The following FGF14 variants were observed in gnomAD, a reference collection of about 807,000 sequenced individuals.
FGF14 encodes fibroblast growth factor homologous factor 4.
FGF14 carries 5 observed loss-of-function variants against 25.5 expected under a neutral mutation model. That is an observed-to-expected ratio of 0.20 (90% CI 0.10 to 0.41). The LOEUF (loss-of-function observed/expected upper bound fraction) is 0.41. Among genes scored for constraint, FGF14 ranks in the 10% least tolerant of loss-of-function variants. The probability of loss-of-function intolerance (pLI) is 1.00; values close to 1 mark genes in which losing one functional copy is unlikely to be tolerated. For missense variants in FGF14, 222 were observed against 320.1 expected (o/e 0.69, Z 2.34); for synonymous variants, 138 against 118.3 (o/e 1.17, Z -1.08).
intron 1 of FGF14, among the ~76,000 whole-genome samples, chr13:102,334,954 C>A (rs2056748756): frequency 6.6e-6 from 1 of 152,100 alleles, no homozygotes; most frequent in African/African-American, 2.4e-5. Flanking sequence ...CCCCAAGTGA[C>A]CAAGCAGACC....
At chr13:102,182,975 C>T (rs920546172) in intron 1 of FGF14, among the ~76,000 whole-genome samples, 1 of 151,984 alleles carries the variant, frequency 6.6e-6, no homozygotes, top group Admixed American at 6.6e-5. Context: ...AGTATGGGGT[C>T]AGAATGAGAT....
rs375646909 is a variant in FGF14, at chr13:102,180,973, A to T, written c.208+220498T>A. Among the ~76,000 whole-genome samples, 14 of 152,244 alleles carry T rather than the reference A, an allele frequency of 9.2e-5. No homozygotes were observed. In the East Asian group the frequency reaches 2.7e-3, roughly 29 times the overall value. ...AAAAATCATGTTTATATTATAGTAA[A>T]TGGTATTTCTGGTAACACTCTAATA... On this transcript the variant is annotated intron_variant, in intron 1 of 4. Coordinates refer to the FGF14 transcript ENST00000376131.
intron 1 of FGF14, among the ~76,000 whole-genome samples, chr13:102,215,942 G>A (rs2050352766): frequency 6.6e-6 from 1 of 152,154 alleles, no homozygotes; most frequent in African/African-American, 2.4e-5. Flanking sequence ...GTGAGAGAAA[G>A]AAAAGTCAGA....
chr13:101,800,671 A>C (rs1014128365), intron 3 of FGF14, among the ~76,000 whole-genome samples: 1 of 152,172 alleles, frequency 6.6e-6, no homozygotes, highest in African/African-American at 2.4e-5. Context: ...TGATTGGCAT[A>C]TTTTGTTGAA....
chr13:102,092,466 T>A (rs766257380), intron 1 of FGF14, among the ~76,000 whole-genome samples: 3 of 152,200 alleles, frequency 2.0e-5, no homozygotes, highest in Non-Finnish European at 4.4e-5. Flanking sequence ...ATTTCCTTTA[T>A]GAATTTAGTT....
intron 1 of FGF14, among the ~76,000 whole-genome samples, chr13:102,185,525 C>A (rs574829678): frequency 6.6e-6 from 1 of 150,504 alleles, no homozygotes; most frequent in Non-Finnish European, 1.5e-5. Context: ...TGGCAGTCAG[C>A]AGAAATATAT....
intron 1 of FGF14, among the ~76,000 whole-genome samples, chr13:102,143,361 G>C (rs1014362979): frequency 6.6e-6 from 1 of 152,090 alleles, no homozygotes; most frequent in Non-Finnish European, 1.5e-5. Context: ...ATGTGTGTGT[G>C]TTTATGCATG....
At chr13:102,137,653 C>A (rs1401182996) in intron 1 of FGF14, among the ~76,000 whole-genome samples, 1 of 152,124 alleles carries the variant, frequency 6.6e-6, no homozygotes, top group African/African-American at 2.4e-5. Flanking sequence ...AATAACTCCT[C>A]ATTTTACTCT....
At chr13:102,275,019 T>A (rs144521870) in intron 1 of FGF14, among the ~76,000 whole-genome samples, 9 of 152,182 alleles carry the variant, frequency 5.9e-5, no homozygotes, top group African/African-American at 2.2e-4. Context: ...ATTAAATGTA[T>A]CTTGATTTTC....
intron 1 of FGF14, among the ~76,000 whole-genome samples, chr13:102,264,716 G>A (rs1379853581): frequency 1.3e-5 from 2 of 152,164 alleles, no homozygotes; most frequent in African/African-American, 2.4e-5. Flanking sequence ...GGCAAGAGGG[G>A]AGTGGTTATT....
chr13:101,789,330 C>T (rs1187715847), intron 3 of FGF14, among the ~76,000 whole-genome samples: 1 of 151,984 alleles, frequency 6.6e-6, no homozygotes, highest in Non-Finnish European at 1.5e-5. Context: ...CTCAACAGGT[C>T]AGCAAGTACC....
intron 1 of FGF14, among the ~76,000 whole-genome samples, chr13:102,108,197 T>C (rs1379502537): frequency 6.6e-6 from 1 of 152,226 alleles, no homozygotes; most frequent in Non-Finnish European, 1.5e-5. Context: ...TTTGATCTTA[T>C]CTATTGTATC....
At chr13:101,812,907 T>A (rs979913965) in intron 3 of FGF14, among the ~76,000 whole-genome samples, 3 of 151,838 alleles carry the variant, frequency 2.0e-5, no homozygotes, top group Admixed American at 6.6e-5. Context: ...CCTCAGGTGA[T>A]CCACCTGCCT....
chr13:101,905,009 T>C (rs2032057634), intron 1 of FGF14, among the ~76,000 whole-genome samples: 1 of 152,326 alleles, frequency 6.6e-6, no homozygotes, highest in South Asian at 2.1e-4. Context: ...CTTCACCCTC[T>C]TTAGTGGCTT....
rs185403819 is a variant in FGF14, at chr13:101,834,062, C to A, written c.408+34663G>T. On this transcript the variant is annotated intron_variant, in intron 3 of 4. Coordinates refer to ENST00000376143, the MANE Select transcript of FGF14 (RefSeq NM_004115.4). ...ATATCATATTCCTCTAGTGATCAAG[C>A]AATCACCTCCAAGTGAGACTACAAT... Among the ~76,000 whole-genome samples, 171 of 152,168 alleles carry A rather than the reference C, an allele frequency of 1.1e-3. 1 individual carries two copies. Among genetic ancestry groups the A allele is most frequent in the African/African-American group, 4.0e-3 (168 of 41,542 alleles).
chr13:102,176,406 G>A (rs1374311465), intron 1 of FGF14, among the ~76,000 whole-genome samples: 1 of 151,984 alleles, frequency 6.6e-6, no homozygotes, highest in Non-Finnish European at 1.5e-5. Context: ...AATTGACACT[G>A]GTAACTCCAA....
intron 1 of FGF14, among the ~76,000 whole-genome samples, chr13:101,899,214 A>T (rs1223062642): frequency 6.6e-6 from 1 of 151,968 alleles, no homozygotes; most frequent in Non-Finnish European, 1.5e-5. Context: ...AAGAAAAAAA[A>T]TCCTCCTCAA....
chr13:102,066,909 T>A (rs1305620802), intron 1 of FGF14, among the ~76,000 whole-genome samples: 1 of 152,202 alleles, frequency 6.6e-6, no homozygotes, highest in Non-Finnish European at 1.5e-5. Flanking sequence ...AATCATGAAA[T>A]GTGCCTGCTC....
intron 1 of FGF14, among the ~76,000 whole-genome samples, chr13:102,289,516 G>C (rs532045840): frequency 1.3e-5 from 2 of 152,158 alleles, no homozygotes; most frequent in South Asian, 4.1e-4. Context: ...GCTATGTTAT[G>C]ATAAAATTTT....
Sources: gnomAD v4.1 joint callset for allele counts (sites outside exome capture counted in the v4.1 genomes callset) on GRCh38, gnomAD v4.1.1 for gene constraint, MANE v1.5 for transcripts, NCBI Gene and HGNC (gene_info 2026-07-23, HGNC 2026-07-21) for gene names.